Variants in COQ8A observed in about 807,000 individuals in gnomAD.
The protein encoded by COQ8A is coenzyme Q8A.
In COQ8A, 51 loss-of-function variants were observed where a neutral mutation model predicts 65.0. That is an observed-to-expected ratio of 0.78 (90% CI 0.63 to 0.99). COQ8A has a LOEUF of 0.99. Among genes scored for constraint, COQ8A ranks in the 50% least tolerant of loss-of-function variants. The pLI is 0.00. For synonymous variants in COQ8A, 371 were observed against 353.2 expected, an observed-to-expected ratio of 1.05 and a Z score of -0.57; for missense variants, 940 against 875.0, an observed-to-expected ratio of 1.07 and a Z score of -0.94.
At position 226,965,144 on chromosome 1, in the gene COQ8A, G is replaced by C. The variant is rs576613785; in HGVS notation, c.322G>C (p.Gly108Arg). Residue 108 changes from glycine (G) to arginine (R), a missense_variant, in exon 3 of 15, where the codon GGT becomes CGT. Gly to Arg is a moderately radical substitution (Grantham distance 125). Coordinates refer to ENST00000366777, the MANE Select transcript of COQ8A (RefSeq NM_020247.5). ...CGACCAGTCAGCGCCCCCATCCCTG[G>C]GTCATGCCCACAGCGAGGGCCCAGC... ...APDQSAPPSLGHAHSEGPAPA... is the reference protein window; with the variant it reads ...APDQSAPPSLRHAHSEGPAPA... The C allele has an allele frequency of 5.9e-5, 95 of 1,613,940 alleles. No homozygotes were observed. The East Asian group carries it at 2.1e-3, about 35-fold the overall frequency.
In COQ8A at chr1:226,972,195, A is replaced by G. The variant is rs552710201; in HGVS notation, c.656-5254A>G. ...AGGAGTTGAGCACTGCTTTGTGCAT[A>G]GCTCTGTGGTGGTTCCTGGGGCCTT... On this transcript the variant is annotated intron_variant, in intron 4 of 14. Coordinates refer to ENST00000366777, the MANE Select transcript of COQ8A (RefSeq NM_020247.5). The surrounding 1 kb of genome is among the most constrained non-coding windows in gnomAD (Gnocchi z 4.3). Among the ~76,000 whole-genome samples, 2 of 152,330 alleles carry G rather than the reference A, an allele frequency of 1.3e-5. No homozygotes were observed. Among genetic ancestry groups the G allele is most frequent in the East Asian group, 1.9e-4 (1 of 5,178 alleles).
At chr1:226,941,621 G>A (rs1271889175) in intron 1 of COQ8A, among the ~76,000 whole-genome samples, 1 of 151,590 alleles carries the variant, frequency 6.6e-6, no homozygotes, top group Non-Finnish European at 1.5e-5. Context: ...AAAAAAATAC[G>A]AAAATTAGCC....
intron 5 of COQ8A, among the ~76,000 whole-genome samples, chr1:226,978,595 T>C (rs1322921812): frequency 4.1e-5 from 2 of 48,608 alleles, no homozygotes; most frequent in Non-Finnish European, 5.6e-5. Context: ...CTCCACACAC[T>C]CTACCCTCTA....
At chr1:226,960,524 T>G (rs2148048675) in intron 1 of COQ8A, among the ~76,000 whole-genome samples, 2 of 147,140 alleles carry the variant, frequency 1.4e-5, no homozygotes, top group Admixed American at 6.7e-5. Context: ...TGGTGGTGCT[T>G]GGTGGTGGTG....
chr1:226,966,751 C>T (rs190450925), intron 4 of COQ8A, among the ~76,000 whole-genome samples: 8 of 152,240 alleles, frequency 5.3e-5, no homozygotes, highest in Non-Finnish European at 1.2e-4. Context: ...GCTGTTCCTC[C>T]GCTCCTGCCT....
At chr1:226,945,465 G>A (rs373678352) in intron 1 of COQ8A, among the ~76,000 whole-genome samples, 3 of 152,308 alleles carry the variant, frequency 2.0e-5, no homozygotes, top group East Asian at 3.9e-4. Context: ...CACATTTTTT[G>A]TTTGGCACTG....
At chr1:226,978,797 G>A (rs111205902) in intron 5 of COQ8A, among the ~76,000 whole-genome samples, 821 of 81,138 alleles carry the variant, frequency 0.01, 84 homozygotes, top group African/African-American at 0.033. Context: ...CCTCTCACCC[G>A]CACAGCTCCT....
chr1:226,982,591 C>A, intron 6 of COQ8A, 87 bp from the exon 7 acceptor site: 1 of 1,412,656 alleles, frequency 7.1e-7, no homozygotes, highest in Non-Finnish European at 1.0e-6. Flanking sequence ...GTGTGGTGGC[C>A]AGGGCATCCC....
In COQ8A at chr1:226,987,023, T is replaced by C. The variant is rs977356119; in HGVS notation, c.*286T>C. The C allele has an allele frequency of 4.0e-6, 2 of 497,972 alleles. No individual in the cohort carries two copies. The allele number at this position is 497,972 out of a possible 1,614,324, so 30.8% of individuals were successfully genotyped here. ...AAAGGGCAACTTTGTTTTCTTCTTTTTCCTGATGTGAATGTTAAGCAGAAG... is the reference window on the plus strand; with the variant it reads ...AAAGGGCAACTTTGTTTTCTTCTTTCTCCTGATGTGAATGTTAAGCAGAAG... On this transcript the variant is annotated 3_prime_UTR_variant, in exon 15 of 15. Transcript: ENST00000366777.
chr1:226,983,970 C>G, intron 10 of COQ8A, 116 bp downstream of exon 10: 1 of 1,554,202 alleles, frequency 6.4e-7, no homozygotes, highest in Non-Finnish European at 8.7e-7. Context: ...GGGTTGCAGC[C>G]TGGGCCGAGG....
At chr1:226,984,468 A>G (rs1659948509) in intron 11 of COQ8A, 80 bp from the exon 12 acceptor site, 3 of 1,377,408 alleles carry the variant, frequency 2.2e-6, no homozygotes, top group Non-Finnish European at 3.1e-6. Flanking sequence ...AACAGGAGGC[A>G]GGGGCTTCTC....
intron 4 of COQ8A, among the ~76,000 whole-genome samples, chr1:226,975,746 G>A (rs1048679255): frequency 2.0e-5 from 3 of 152,204 alleles, no homozygotes; most frequent in Non-Finnish European, 4.4e-5. Context: ...ACTCACGCCC[G>A]CACGACAGCC....
At chr1:226,966,863 T>C (rs1558192654) in intron 4 of COQ8A, among the ~76,000 whole-genome samples, 1 of 149,080 alleles carries the variant, frequency 6.7e-6, no homozygotes. Context: ...AGCTGCGTAA[T>C]GTGTGTGGGT....
At chr1:226,985,172 C>A in intron 13 of COQ8A, 82 bp from the exon 14 acceptor site, 2 of 1,433,430 alleles carry the variant, frequency 1.4e-6, no homozygotes, top group South Asian at 1.1e-5. Context: ...GGGGTGGGCT[C>A]GGGTGTGGCA....
intron 1 of COQ8A, among the ~76,000 whole-genome samples, chr1:226,960,285 TTGG>T (rs149474542): frequency 5.9e-5 from 6 of 101,570 alleles, no homozygotes; most frequent in East Asian, 3.3e-4. Context: ...GCGGTGGTAC[TTGG>T]TGGTGGTACT....
chr1:226,982,834 G>GC, intron 7 of COQ8A, 60 bp from the exon 8 acceptor site: 1 of 1,612,722 alleles, frequency 6.2e-7, no homozygotes, highest in Non-Finnish European at 8.5e-7. Flanking sequence ...CAGACTTGGG[G>GC]CTTCTCCCGG....
At chr1:226,985,771 C>T (rs1002273230) in intron 14 of COQ8A, among the ~76,000 whole-genome samples, 6 of 152,182 alleles carry the variant, frequency 3.9e-5, no homozygotes, top group Non-Finnish European at 7.3e-5. Flanking sequence ...TGGCATTTTC[C>T]GCTTGCTGCT....
rs78031272 is a variant in COQ8A at position 226,964,616 on chromosome 1, G to A, written c.178-384G>A. On this transcript the variant is annotated intron_variant, in intron 2 of 14. Transcript: ENST00000366777. ...ACCCCTTGCTGGCCTTAGGCTGTGT[G>A]TTCACCTCTCAGAGCTTTCCCTGTC... is the stretch of plus-strand genomic sequence containing the variant. 9.3e-5 allele frequency among the ~76,000 whole-genome samples: 14 copies of A among 151,270 alleles called. No individual in the cohort carries two copies. The East Asian group carries it at 2.7e-3, about 29-fold the overall frequency.
intron 5 of COQ8A, among the ~76,000 whole-genome samples, chr1:226,981,417 A>G (rs1036091208): frequency 1.3e-5 from 2 of 152,172 alleles, no homozygotes; most frequent in Non-Finnish European, 2.9e-5. Flanking sequence ...CATGCTCATC[A>G]CTGGCCAGCT....
Sources: gnomAD v4.1 joint callset for allele counts (sites outside exome capture counted in the v4.1 genomes callset) on GRCh38, gnomAD v4.1.1 for gene constraint, Gnocchi (gnomAD v3.1) non-coding constraint, MANE v1.5 for transcripts, NCBI Gene and HGNC (gene_info 2026-07-23, HGNC 2026-07-21) for gene names.